CYFIP1: variants seen among roughly 807,000 people sequenced by gnomAD.
The protein encoded by CYFIP1 is cytoplasmic FMR1 interacting protein 1.
In CYFIP1, 58 loss-of-function variants were observed where a neutral mutation model predicts 163.5. The observed-to-expected ratio is 0.35, with a 90% confidence interval of 0.29 to 0.44. The LOEUF (loss-of-function observed/expected upper bound fraction) is 0.44. CYFIP1 is among the 20% of genes least tolerant of loss of function. The pLI, the probability that CYFIP1 is intolerant of heterozygous loss-of-function variation, is 1.00. For synonymous variants in CYFIP1, 663 were observed against 660.7 expected, an observed-to-expected ratio of 1.00 and a Z score of -0.05; for missense variants, 1,338 against 1,653.8, an observed-to-expected ratio of 0.81 and a Z score of 3.31.
intron 12 of CYFIP1, 145 bp from the exon 13 acceptor site, chr15:22,926,252 C>G: frequency 8.4e-7 from 1 of 1,191,524 alleles, no homozygotes; most frequent in Non-Finnish European, 1.2e-6. Context: ...GCGCACACAC[C>G]GTCCATCTCC....
chr15:22,961,942 T>G (rs2062696030), intron 1 of CYFIP1, among the ~76,000 whole-genome samples: 1 of 152,200 alleles, frequency 6.6e-6, no homozygotes, highest in Admixed American at 6.5e-5. Flanking sequence ...AATTTCCTGT[T>G]TCACTTCTAA....
chr15:22,889,622 C>CG (rs1481805806), intron 23 of CYFIP1, among the ~76,000 whole-genome samples: 4 of 152,178 alleles, frequency 2.6e-5, no homozygotes, highest in Non-Finnish European at 4.4e-5. Context: ...GCAGTCGGGT[C>CG]GCCTGCCTAC....
At chr15:22,979,736 C>A (rs903982352) in intron 1 of CYFIP1, among the ~76,000 whole-genome samples, 3 of 152,208 alleles carry the variant, frequency 2.0e-5, no homozygotes, top group Admixed American at 6.5e-5. Flanking sequence ...GCCTCCTTAA[C>A]AAAGCCCAAA....
chr15:22,944,325 GA>G (rs1452836168), intron 5 of CYFIP1, among the ~76,000 whole-genome samples: 16 of 151,672 alleles, frequency 1.1e-4, no homozygotes, highest in Admixed American at 9.2e-4. Context: ...CTCCATGAAG[GA>G]AACATAAAAT....
chr15:22,918,816 T>A lies in CYFIP1; in HGVS notation c.1402A>T (p.Met468Leu), dbSNP rs781127840. 1 of 1,612,626 alleles carries A rather than the reference T, an allele frequency of 6.2e-7. No individual in the cohort carries two copies. The highest frequency in any genetic ancestry group is 8.5e-7 in the Non-Finnish European group (1 of 1,179,346). ...ATGGCGTGGTTGAACACGCTCTCCA[T>A]CCTGCCCATCAGCACCTGCAGGCCT... is the stretch of plus-strand genomic sequence containing the variant. ...IKGLQVLMGRMESVFNHAIRH... is the reference protein window; with the variant it reads ...IKGLQVLMGRLESVFNHAIRH... The change falls in exon 14 of 31, where the codon ATG becomes TTG. Residue 468 changes from methionine to leucine, a missense_variant. This residue lies in a region of CYFIP1 where 824 missense variants were observed against 995.7 expected (regional missense o/e 0.83). Transcript: ENST00000617928.
In CYFIP1 at chr15:22,964,555, G is replaced by C. The variant is rs148628562; in HGVS notation, c.-7+15732C>G. 6.0e-4 allele frequency among the ~76,000 whole-genome samples: 91 copies of C among 152,228 alleles called. 1 individual carries two copies. The highest frequency in any genetic ancestry group is 1.1e-3 in the Non-Finnish European group (75 of 68,008). Reference sequence around the variant, plus strand: ...GTTTCCCCTGCCCGGCAGCTCCCCGGGGAGTCGGGAACCAAGTGCAGCCGG... The same window carrying C: ...GTTTCCCCTGCCCGGCAGCTCCCCGCGGAGTCGGGAACCAAGTGCAGCCGG... On this transcript the variant is annotated intron_variant, in intron 1 of 30. Transcript: ENST00000617928.
At position 22,873,670 on chromosome 15, in the gene CYFIP1, C is replaced by A; in HGVS notation, c.3270G>T (p.Leu1090=). The A allele has an allele frequency of 6.2e-7, 1 of 1,614,240 alleles. No individual in the cohort carries two copies. ...LLTKERLCCG[L]SMFEVILTRI... is the part of the protein sequence containing the mutation. Reference sequence around the variant, plus strand: ...GTGTCAGGATGACCTCAAACATGGACAGGCCGCAGCAGAGGCGCTCCTTTG... The same window carrying A: ...GTGTCAGGATGACCTCAAACATGGAAAGGCCGCAGCAGAGGCGCTCCTTTG... Residue 1090 remains leucine (L), a synonymous_variant, in exon 29 of 31, where the codon CTG becomes CTT. Coordinates refer to ENST00000617928, the MANE Select transcript of CYFIP1 (RefSeq NM_014608.6).
At position 22,891,607 on chromosome 15, in the gene CYFIP1, G is replaced by A. The variant is rs112696851; in HGVS notation, c.2676+1283C>T. Among the ~76,000 whole-genome samples, 16 of 152,286 alleles carry A rather than the reference G, an allele frequency of 1.1e-4. No homozygotes were observed. In the East Asian group the frequency reaches 1.4e-3, roughly 13 times the overall value. ...TGAGTGCCGTAAAAAGGCCGCCCCCGGCCCACACTCGCTCTTTTCAGGGGC... is the reference window on the plus strand; with the variant it reads ...TGAGTGCCGTAAAAAGGCCGCCCCCAGCCCACACTCGCTCTTTTCAGGGGC... On this transcript the variant is annotated intron_variant, in intron 23 of 30. Transcript: ENST00000617928.
intron 1 of CYFIP1, among the ~76,000 whole-genome samples, chr15:22,951,962 C>T (rs1002365288): frequency 6.6e-6 from 1 of 152,196 alleles, no homozygotes; most frequent in Non-Finnish European, 1.5e-5. Context: ...CATGGAAAAA[C>T]GCCAGATGCG....
intron 13 of CYFIP1, among the ~76,000 whole-genome samples, chr15:22,924,826 C>T (rs1304099791): frequency 6.6e-6 from 1 of 152,136 alleles, no homozygotes; most frequent in African/African-American, 2.4e-5. Flanking sequence ...AATCCCAGCA[C>T]TTTCGGAGGC....
chr15:22,882,219 C>T (rs1319009164), intron 24 of CYFIP1, among the ~76,000 whole-genome samples: 2 of 152,212 alleles, frequency 1.3e-5, no homozygotes, highest in African/African-American at 2.4e-5. Context: ...CCAGGTGTCT[C>T]CTATGGGGAT....
intron 1 of CYFIP1, among the ~76,000 whole-genome samples, chr15:22,966,186 T>TA (rs554142641): frequency 0.092 from 13,399 of 145,154 alleles, 789 homozygotes; most frequent in Non-Finnish European, 0.12. Context: ...CCGTCTCTAC[T>TA]AAAAAAAAAA....
chr15:22,926,421 C>A (rs2061359334), intron 12 of CYFIP1, among the ~76,000 whole-genome samples: 2 of 152,092 alleles, frequency 1.3e-5, no homozygotes, highest in African/African-American at 4.8e-5. Context: ...GCCTATGACC[C>A]CAGCACTTGG....
chr15:22,890,928 C>A (rs1200111843), intron 23 of CYFIP1, among the ~76,000 whole-genome samples: 1 of 152,130 alleles, frequency 6.6e-6, no homozygotes, highest in Non-Finnish European at 1.5e-5. Flanking sequence ...CATTGGCGAC[C>A]CTGGCCCTCA....
At chr15:22,889,605 G>A (rs1009362789) in intron 23 of CYFIP1, among the ~76,000 whole-genome samples, 3 of 152,130 alleles carry the variant, frequency 2.0e-5, no homozygotes, top group African/African-American at 7.2e-5. Context: ...CAGGTGCACG[G>A]CCCCACGCAG....
At chr15:22,879,605 A>G (rs2059690470) in intron 26 of CYFIP1, among the ~76,000 whole-genome samples, 1 of 151,608 alleles carries the variant, frequency 6.6e-6, no homozygotes, top group African/African-American at 2.4e-5. Flanking sequence ...CCTGCGCAGC[A>G]ATGCCTTATA....
chr15:22,972,264 C>T (rs572285773), intron 1 of CYFIP1, among the ~76,000 whole-genome samples: 4 of 152,064 alleles, frequency 2.6e-5, no homozygotes, highest in South Asian at 2.1e-4. Flanking sequence ...GGTGAAACAC[C>T]GTCTCTGCTA....
chr15:22,950,857 C>T (rs888120732), intron 1 of CYFIP1, among the ~76,000 whole-genome samples: 1 of 152,186 alleles, frequency 6.6e-6, no homozygotes, highest in East Asian at 1.9e-4. Context: ...CCTGCGCCGC[C>T]CATCTCACCG....
chr15:22,979,764 T>C (rs1357912187), intron 1 of CYFIP1, among the ~76,000 whole-genome samples: 3 of 152,138 alleles, frequency 2.0e-5, no homozygotes, highest in Non-Finnish European at 4.4e-5. Context: ...TCTCCAAGAA[T>C]GCCCGGAATG....
Sources: gnomAD v4.1 joint callset for allele counts (sites outside exome capture counted in the v4.1 genomes callset) on GRCh38, gnomAD v4.1.1 for gene constraint, gnomAD v4.1.1 regional missense constraint, MANE v1.5 for transcripts, NCBI Gene and HGNC (gene_info 2026-07-23, HGNC 2026-07-21) for gene names.